Variants in TMEM63C observed in about 807,000 individuals in gnomAD.
The protein encoded by TMEM63C is osmosensitive cation channel TMEM63C.
A neutral mutation model predicts 99.2 loss-of-function variants in TMEM63C; 32 were observed. The observed-to-expected ratio is 0.32, with a 90% CI of 0.24 to 0.43. TMEM63C has a LOEUF of 0.43. TMEM63C is among the 20% of genes least tolerant of loss of function. The pLI is 1.00. For synonymous variants in TMEM63C, 376 were observed against 397.9 expected (o/e 0.94, Z 0.66); for missense variants, 826 against 1,053.0 (o/e 0.78, Z 2.98).
intron 13 of TMEM63C, among the ~76,000 whole-genome samples, 200 bp downstream of exon 13, chr14:77,240,808 G>C (rs748833898): frequency 3.3e-5 from 5 of 152,188 alleles, no homozygotes; most frequent in Non-Finnish European, 5.9e-5. Context: ...TGCTCTCAAG[G>C]GGTGCCCAGG....
chr14:77,225,368 TG>T lies in TMEM63C; in HGVS notation c.313-53del, dbSNP rs1888798510. On this transcript the variant is annotated intron_variant, in intron 5 of 23. Coordinates refer to ENST00000298351, the MANE Select transcript of TMEM63C (RefSeq NM_020431.4). ...ACCTGGCCGCCTGGGTTCCCAGAGC[TG>T]GGCAGGGCAGGCCAGGACCTGGGTT... 1.9e-6 allele frequency: 3 copies of T among 1,576,208 alleles called. No homozygotes were observed. In the Admixed American group the frequency reaches 5.4e-5, roughly 28 times the overall value.
intron 1 of TMEM63C, among the ~76,000 whole-genome samples, chr14:77,193,336 G>A (rs1439805458): frequency 6.6e-6 from 1 of 152,176 alleles, no homozygotes; most frequent in African/African-American, 2.4e-5. Flanking sequence ...AAAATGTTAG[G>A]TTCACATAAG....
chr14:77,251,927 G>T lies in TMEM63C; in HGVS notation c.2148+29G>T, dbSNP rs773027063. The T allele has an allele frequency of 3.9e-6, 6 of 1,548,996 alleles. No individual in the cohort carries two copies. The Admixed American group carries it at 6.7e-5, about 17-fold the overall frequency. On this transcript the variant is annotated intron_variant, in intron 22 of 23. Transcript: ENST00000298351. ...AGTTGCCAGCCTGCCCCTCCTCCTG[G>T]TTCTCTTGGTCCCTGGGGGACACAG... is the stretch of plus-strand genomic sequence containing the variant.
chr14:77,218,710 G>A, intron 2 of TMEM63C, 91 bp from the exon 3 acceptor site: 1 of 1,389,772 alleles, frequency 7.2e-7, no homozygotes, highest in Non-Finnish European at 9.9e-7. Context: ...GAGGCACTCG[G>A]TGCCCATCCC....
chr14:77,202,769 C>T (rs1027427366), intron 1 of TMEM63C, among the ~76,000 whole-genome samples: 29 of 151,712 alleles, frequency 1.9e-4, no homozygotes, highest in African/African-American at 7.0e-4. Flanking sequence ...GGATACTGTT[C>T]AACCCAGTAG....
At chr14:77,246,141 C>A in intron 17 of TMEM63C, 115 bp downstream of exon 17, 3 of 826,600 alleles carry the variant, frequency 3.6e-6, no homozygotes, top group South Asian at 2.8e-5. Flanking sequence ...TCCTCAAAGA[C>A]AGCCCCATGC....
intron 13 of TMEM63C, 148 bp from the exon 14 acceptor site, chr14:77,242,199 T>C (rs1889188957): frequency 2.2e-6 from 2 of 895,122 alleles, no homozygotes; most frequent in African/African-American, 3.3e-5. Context: ...CCTGAAGACA[T>C]ATCCAAGGCT....
At chr14:77,200,390 C>A (rs906797252) in intron 1 of TMEM63C, among the ~76,000 whole-genome samples, 3 of 152,204 alleles carry the variant, frequency 2.0e-5, no homozygotes, top group African/African-American at 7.2e-5. Flanking sequence ...CAGGGCTAAC[C>A]TTCATCACAA....
chr14:77,182,627 G>A (rs1418689552), intron 1 of TMEM63C, among the ~76,000 whole-genome samples: 2 of 152,018 alleles, frequency 1.3e-5, no homozygotes, highest in African/African-American at 4.8e-5. Context: ...TTCCTCTCTA[G>A]ACCCCAGGAC....
intron 5 of TMEM63C, among the ~76,000 whole-genome samples, chr14:77,224,070 C>A (rs1203324533): frequency 3.9e-5 from 6 of 152,022 alleles, no homozygotes; most frequent in Admixed American, 3.9e-4. Flanking sequence ...AACATTTATC[C>A]TTAATTTAGC....
Position 77,215,485 on chromosome 14 carries a change from G to A in TMEM63C, c.-14+1977G>A, listed in dbSNP as rs368621829. Among the ~76,000 whole-genome samples the A allele has an allele frequency of 2.3e-4, 35 of 150,906 alleles. No individual in the cohort carries two copies. In the East Asian group the frequency reaches 4.9e-3, roughly 21 times the overall value. The stretch of plus-strand genomic sequence containing the variant: ...GTGTAGTGGTGGGCACCTGTAGTCC[G>A]AGCTACTCAGGAGGCTGAGGTAGCA... On this transcript the variant is annotated intron_variant, in intron 2 of 23. Transcript: ENST00000298351.
chr14:77,207,661 G>C (rs1394066338), intron 1 of TMEM63C, among the ~76,000 whole-genome samples: 1 of 152,218 alleles, frequency 6.6e-6, no homozygotes, highest in Non-Finnish European at 1.5e-5. Flanking sequence ...GTGTAAGATG[G>C]GGATACTGAC....
chr14:77,249,582 G>GC (rs1259017071), intron 21 of TMEM63C, 124 bp downstream of exon 21: 2 of 1,090,010 alleles, frequency 1.8e-6, no homozygotes, highest in Admixed American at 4.8e-5. Context: ...ACCAGACCTG[G>GC]CCACACCCAG....
chr14:77,205,544 A>G (rs1028578341), intron 1 of TMEM63C, among the ~76,000 whole-genome samples: 1 of 152,256 alleles, frequency 6.6e-6, no homozygotes, highest in African/African-American at 2.4e-5. Flanking sequence ...GGGTGTACCC[A>G]GAAGGCTCCC....
chr14:77,233,650 A>C, intron 8 of TMEM63C, 150 bp downstream of exon 8: 3 of 777,922 alleles, frequency 3.9e-6, no homozygotes, highest in Non-Finnish European at 6.5e-6. Context: ...GAGATGCCAG[A>C]AGCTGCATCC....
At chr14:77,232,900 G>A (rs182152958) in intron 7 of TMEM63C, among the ~76,000 whole-genome samples, 1 of 152,308 alleles carries the variant, frequency 6.6e-6, no homozygotes, top group Non-Finnish European at 1.5e-5. Flanking sequence ...ATTCAGTTTA[G>A]CACACTGAGT....
chr14:77,249,523 C>A, intron 21 of TMEM63C, 65 bp downstream of exon 21: 2 of 1,559,510 alleles, frequency 1.3e-6, no homozygotes, highest in Non-Finnish European at 8.7e-7. Flanking sequence ...AGTCCCTTAA[C>A]ACTGACCCTG....
intron 1 of TMEM63C, among the ~76,000 whole-genome samples, chr14:77,199,408 G>C (rs1472332244): frequency 1.3e-5 from 2 of 152,082 alleles, no homozygotes. Flanking sequence ...TCATGATCTG[G>C]TCCCAACTTG....
intron 1 of TMEM63C, among the ~76,000 whole-genome samples, chr14:77,198,682 T>C (rs982714936): frequency 1.3e-5 from 2 of 152,190 alleles, no homozygotes; most frequent in Non-Finnish European, 2.9e-5. Context: ...CGCTCTGAGA[T>C]ACAGGAAAAT....
Sources: allele counts gnomAD v4.1 joint callset (sites outside exome capture counted in the v4.1 genomes callset), GRCh38; gene constraint gnomAD v4.1.1; transcripts MANE v1.5; gene names NCBI Gene and HGNC (gene_info 2026-07-23, HGNC 2026-07-21).